The following SLC20A2 variants were observed in gnomAD, a reference collection of about 807,000 sequenced individuals.
The protein encoded by SLC20A2 is sodium-dependent phosphate transporter 2.
In SLC20A2, 30 loss-of-function variants were observed where a neutral mutation model predicts 61.0. That is an observed-to-expected ratio of 0.49 (90% CI 0.37 to 0.67). The LOEUF (loss-of-function observed/expected upper bound fraction) is 0.67. Among genes scored for constraint, SLC20A2 ranks in the 30% least tolerant of loss-of-function variants. The pLI is 0.00. For missense variants in SLC20A2, 626 were observed against 866.4 expected, an observed-to-expected ratio of 0.72 and a Z score of 3.48; for synonymous variants, 351 against 353.3, an observed-to-expected ratio of 0.99 and a Z score of 0.07.
At chr8:42,442,642 T>C (rs1217024159) in intron 6 of SLC20A2, among the ~76,000 whole-genome samples, 3 of 152,260 alleles carry the variant, frequency 2.0e-5, no homozygotes, top group Non-Finnish European at 2.9e-5. Flanking sequence ...CTCCAACTTT[T>C]TTCTTTTCCA....
At chr8:42,430,445 C>T (rs926102267) in intron 8 of SLC20A2, among the ~76,000 whole-genome samples, 196 bp from the exon 9 acceptor site, 1 of 151,170 alleles carries the variant, frequency 6.6e-6, no homozygotes, top group African/African-American at 2.4e-5. Context: ...TCACTGCAAC[C>T]TCCACCTCTC....
Position 42,437,841 on chromosome 8 carries a change from C to T in SLC20A2, c.935-264G>A, listed in dbSNP as rs1804420626. ...ATGTTGGCCAGGATGGTCTCAAGCTCCTAACCTCATGATCCGCCCACCTTG... is the reference window on the plus strand; with the variant it reads ...ATGTTGGCCAGGATGGTCTCAAGCTTCTAACCTCATGATCCGCCCACCTTG... On this transcript the variant is annotated intron_variant, in intron 7 of 10. Transcript: ENST00000520262. This position sits in a 1 kb window ranked among gnomAD's most constrained non-coding sequence, Gnocchi z 6.4. Among the ~76,000 whole-genome samples, 1 of 151,542 alleles carries T rather than the reference C, an allele frequency of 6.6e-6. No homozygotes were observed. Among genetic ancestry groups the T allele is most frequent in the Non-Finnish European group, 1.5e-5 (1 of 67,888 alleles).
intron 10 of SLC20A2, among the ~76,000 whole-genome samples, chr8:42,419,824 C>A (rs1442813818): frequency 1.3e-5 from 2 of 152,172 alleles, no homozygotes; most frequent in African/African-American, 4.8e-5. Context: ...ATTTGCGTAT[C>A]TTTAATTACA....
rs761411962 is a variant in SLC20A2 at position 42,437,112 on chromosome 8, C to T, written c.1400G>A (p.Arg467Gln). The T allele has an allele frequency of 1.2e-6, 2 of 1,613,980 alleles. No homozygotes were observed. Among genetic ancestry groups the T allele is most frequent in the East Asian group, 2.2e-5 (1 of 44,882 alleles). ...CTTCTCCTCCTCTGCAGGGTCCTCT[C>T]GCGGCTGGTCAGGGTCGGCCAGCTC... ...ASELADPDQP[R>Q]EDPAEEEKEE... is the part of the protein sequence containing the mutation. The change falls in exon 8 of 11, where the codon CGA (arginine) becomes CAA (glutamine). Residue 467 changes from arginine (R) to glutamine (Q), a missense_variant. Arg to Gln is a conservative substitution (Grantham distance 43). Coordinates refer to ENST00000520262, the MANE Select transcript of SLC20A2 (RefSeq NM_001257180.2). This position sits in a 1 kb window ranked among gnomAD's most constrained non-coding sequence, Gnocchi z 6.4.
At chr8:42,534,289 A>T (rs1291097206) in intron 1 of SLC20A2, among the ~76,000 whole-genome samples, 2 of 152,204 alleles carry the variant, frequency 1.3e-5, no homozygotes, top group Admixed American at 1.3e-4. Flanking sequence ...TCTCAAAAAA[A>T]ATAAATAAAA....
At chr8:42,497,203 G>A (rs1292022027) in intron 1 of SLC20A2, among the ~76,000 whole-genome samples, 1 of 152,238 alleles carries the variant, frequency 6.6e-6, no homozygotes, top group Non-Finnish European at 1.5e-5. Context: ...TGACTTTAGA[G>A]AGTACATTGA....
intron 1 of SLC20A2, among the ~76,000 whole-genome samples, chr8:42,507,946 G>A (rs933766791): frequency 6.6e-6 from 1 of 152,176 alleles, no homozygotes; most frequent in East Asian, 1.9e-4. Flanking sequence ...GATCACCTGA[G>A]GTCAGGAGTT....
At chr8:42,514,423 T>G (rs536095229) in intron 1 of SLC20A2, among the ~76,000 whole-genome samples, 3 of 151,712 alleles carry the variant, frequency 2.0e-5, no homozygotes, top group South Asian at 4.2e-4. Context: ...TAGCCTTTTT[T>G]GGGTTACGGA....
chr8:42,452,037 A>AAGAG (rs557977073), intron 5 of SLC20A2, among the ~76,000 whole-genome samples: 1,076 of 96,538 alleles, frequency 0.011, 242 homozygotes, highest in African/African-American at 0.082. Context: ...GAAGAGGAGG[A>AAGAG]AGAGAGGGGG....
At chr8:42,479,810 G>A (rs1040917853) in intron 1 of SLC20A2, among the ~76,000 whole-genome samples, 7 of 152,052 alleles carry the variant, frequency 4.6e-5, no homozygotes, top group Non-Finnish European at 8.8e-5. Flanking sequence ...GGGTGACGGA[G>A]TGAGACCTTG....
chr8:42,439,945 T>A (rs1804640177), intron 6 of SLC20A2, among the ~76,000 whole-genome samples: 2 of 151,224 alleles, frequency 1.3e-5, no homozygotes, highest in African/African-American at 4.9e-5. Flanking sequence ...ATTAGCCGGG[T>A]GTGGTGGCAG....
chr8:42,524,711 G>A (rs1811808149), intron 1 of SLC20A2, among the ~76,000 whole-genome samples: 1 of 151,880 alleles, frequency 6.6e-6, no homozygotes, highest in African/African-American at 2.4e-5. Context: ...GCTTGAACCC[G>A]GGAGGCAGAG....
intron 1 of SLC20A2, among the ~76,000 whole-genome samples, chr8:42,487,747 C>T (rs185074803): frequency 1.3e-5 from 2 of 152,286 alleles, no homozygotes; most frequent in East Asian, 3.9e-4. Context: ...AAATACACAT[C>T]GCATAAAATT....
chr8:42,432,810 T>C (rs1803963095), intron 8 of SLC20A2, among the ~76,000 whole-genome samples: 1 of 152,222 alleles, frequency 6.6e-6, no homozygotes, highest in African/African-American at 2.4e-5. Flanking sequence ...ATAAAGTATT[T>C]TCAAATTAAG....
At chr8:42,425,683 C>T (rs1803357656) in intron 10 of SLC20A2, among the ~76,000 whole-genome samples, 1 of 152,270 alleles carries the variant, frequency 6.6e-6, no homozygotes, top group South Asian at 2.1e-4. Context: ...CTGCTGCAGT[C>T]CCATTCAGGG....
chr8:42,463,597 G>A (rs1264937599), intron 3 of SLC20A2, among the ~76,000 whole-genome samples: 1 of 152,180 alleles, frequency 6.6e-6, no homozygotes, highest in African/African-American at 2.4e-5. Flanking sequence ...GTGCACAGTG[G>A]AACCATCTGG....
intron 10 of SLC20A2, among the ~76,000 whole-genome samples, chr8:42,424,332 G>A (rs73631760): frequency 2.4e-4 from 37 of 151,612 alleles, no homozygotes; most frequent in Non-Finnish European, 3.8e-4. Context: ...GGGGGTGCGG[G>A]GGGGGATAGT....
At chr8:42,484,636 T>G (rs10107967) in intron 1 of SLC20A2, 127,074 of 281,752 alleles carry the variant, frequency 0.45, 32,026 homozygotes, top group African/African-American at 0.77. Context: ...AGGCCATGGG[T>G]GCAGAATGGG....
At chr8:42,480,739 A>G (rs1279478043) in intron 1 of SLC20A2, among the ~76,000 whole-genome samples, 1 of 152,168 alleles carries the variant, frequency 6.6e-6, no homozygotes, top group African/African-American at 2.4e-5. Context: ...GGCTCACTGC[A>G]GCCTTAAGCT....
Sources: allele counts gnomAD v4.1 joint callset (sites outside exome capture counted in the v4.1 genomes callset), GRCh38; gene constraint gnomAD v4.1.1; non-coding constraint Gnocchi (gnomAD v3.1); transcripts MANE v1.5; gene names NCBI Gene and HGNC (gene_info 2026-07-23, HGNC 2026-07-21).